EFR3A: variants seen among roughly 807,000 people sequenced by gnomAD.
EFR3A encodes the protein protein EFR3 homolog A.
EFR3A carries 76 observed loss-of-function variants against 104.4 expected under a neutral mutation model. The ratio of observed to expected loss-of-function variants is 0.73; its 90% CI spans 0.60 to 0.88. The LOEUF (loss-of-function observed/expected upper bound fraction) is 0.88, where lower values mean the gene tolerates loss of function less well. Among genes scored for constraint, EFR3A ranks in the 40% least tolerant of loss-of-function variants. EFR3A has a pLI of 0.00. For missense variants in EFR3A, 985 were observed against 1,012.5 expected (o/e 0.97, Z 0.37); for synonymous variants, 330 against 330.0 (o/e 1.00, Z 0.00).
intron 22 of EFR3A, among the ~76,000 whole-genome samples, chr8:132,004,502 C>T (rs1344722393): frequency 1.3e-5 from 2 of 152,196 alleles, no homozygotes; most frequent in African/African-American, 4.8e-5. Flanking sequence ...ATCCTGAAAT[C>T]ATCCCCCCAG....
chr8:131,909,866 G>C lies in EFR3A; in HGVS notation c.10+5544G>C, dbSNP rs114152638. On this transcript the variant is annotated intron_variant, in intron 1 of 22. Coordinates refer to ENST00000254624, the MANE Select transcript of EFR3A (RefSeq NM_015137.6). Reference sequence around the variant, plus strand: ...TTCTCTGGGGGACAAAATTGTCCCTGGTTGAGAACCACTGGCCTAAATATT... The same window carrying C: ...TTCTCTGGGGGACAAAATTGTCCCTCGTTGAGAACCACTGGCCTAAATATT... Among the ~76,000 whole-genome samples, 712 of 152,276 alleles carry C rather than the reference G, an allele frequency of 4.7e-3. 8 individuals are homozygous for C. Among genetic ancestry groups the C allele is most frequent in the African/African-American group, 0.017 (691 of 41,568 alleles).
intron 1 of EFR3A, among the ~76,000 whole-genome samples, chr8:131,927,011 T>A (rs1817333208): frequency 6.6e-6 from 1 of 152,174 alleles, no homozygotes; most frequent in Non-Finnish European, 1.5e-5. Flanking sequence ...TTCTTAGCAG[T>A]CATTTCTGGA....
chr8:131,998,373 A>G (rs1056954572), intron 19 of EFR3A, among the ~76,000 whole-genome samples: 4 of 152,048 alleles, frequency 2.6e-5, no homozygotes, highest in African/African-American at 7.2e-5. Flanking sequence ...ATAGTTTTAT[A>G]TGTATAATCC....
intron 22 of EFR3A, among the ~76,000 whole-genome samples, chr8:132,004,007 C>A (rs1207737575): frequency 6.6e-6 from 1 of 152,100 alleles, no homozygotes; most frequent in African/African-American, 2.4e-5. Flanking sequence ...TTAATTAAGT[C>A]TGTTTTTCTT....
intron 1 of EFR3A, among the ~76,000 whole-genome samples, chr8:131,936,486 C>G (rs565696144): frequency 6.6e-6 from 1 of 152,074 alleles, no homozygotes; most frequent in Admixed American, 6.6e-5. Flanking sequence ...CCTCCGCCCC[C>G]CTCCCCTCCA....
chr8:131,945,511 T>C (rs1179160985), intron 3 of EFR3A, among the ~76,000 whole-genome samples: 1 of 152,126 alleles, frequency 6.6e-6, no homozygotes, highest in East Asian at 1.9e-4. Flanking sequence ...CCAAGTGATA[T>C]ATTAGCTTTC....
rs141392542 is a variant in EFR3A, at chr8:131,978,198, TC to T, written c.1327-646del. On this transcript the variant is annotated intron_variant, in intron 12 of 22. Transcript: ENST00000254624. Reference sequence around the variant, plus strand: ...AAGCCTTTATTTATATTAAACAAATTCCCTAAGTAAATTATTTTGCCTTGCC... The same window carrying T: ...AAGCCTTTATTTATATTAAACAAATTCCTAAGTAAATTATTTTGCCTTGCC... 5.8e-3 allele frequency among the ~76,000 whole-genome samples: 885 copies of T among 152,316 alleles called. 9 individuals carry two copies. Among genetic ancestry groups the T allele is most frequent in the African/African-American group, 0.02 (843 of 41,574 alleles).
At chr8:131,992,495 T>C (rs907092378) in intron 18 of EFR3A, among the ~76,000 whole-genome samples, 2 of 152,232 alleles carry the variant, frequency 1.3e-5, no homozygotes, top group Non-Finnish European at 2.9e-5. Context: ...TGTATGGATA[T>C]ATAGGTCAGA....
At chr8:131,989,126 A>G (rs1352216322) in intron 18 of EFR3A, among the ~76,000 whole-genome samples, 3 of 152,184 alleles carry the variant, frequency 2.0e-5, no homozygotes, top group African/African-American at 4.8e-5. Context: ...TAGAAATCCT[A>G]CTAGATTTTT....
At chr8:131,908,364 G>A (rs1816354157) in intron 1 of EFR3A, among the ~76,000 whole-genome samples, 1 of 152,076 alleles carries the variant, frequency 6.6e-6, no homozygotes, top group South Asian at 2.1e-4. Flanking sequence ...CCGGCCATTT[G>A]AGGGGTTTTA....
At position 132,001,745 on chromosome 8, in the gene EFR3A, T is replaced by C. The variant is rs76741420; in HGVS notation, c.2158-14T>C. ...CCTTTTTAACTCTCGATTTCACTTA[T>C]CACTTTTCTCTAGGTTAGTAACACT... On this transcript the variant is annotated splice_polypyrimidine_tract_variant and intron_variant, in intron 19 of 22. Transcript: ENST00000254624. 3,079 of 1,611,032 alleles carry C rather than the reference T, an allele frequency of 1.9e-3. 43 individuals are homozygous for C. In the African/African-American group the frequency reaches 0.037, roughly 19 times the overall value.
At chr8:131,967,752 C>T (rs1326536694) in intron 8 of EFR3A, among the ~76,000 whole-genome samples, 2 of 151,932 alleles carry the variant, frequency 1.3e-5, no homozygotes, top group Non-Finnish European at 2.9e-5. Flanking sequence ...TTGTCAGGTA[C>T]ACATGGATAA....
intron 10 of EFR3A, 97 bp downstream of exon 10, chr8:131,970,740 T>C (rs1820007403): frequency 2.6e-6 from 3 of 1,175,200 alleles, no homozygotes; most frequent in Non-Finnish European, 3.5e-6. Context: ...TTGTCAAAGA[T>C]GAATGATAGC....
intron 10 of EFR3A, among the ~76,000 whole-genome samples, chr8:131,973,571 A>C (rs1312263228): frequency 6.6e-6 from 1 of 152,164 alleles, no homozygotes; most frequent in Non-Finnish European, 1.5e-5. Flanking sequence ...TTTCTCTTTT[A>C]AAATCAAACT....
rs1818827520 is a variant in EFR3A at position 131,953,796 on chromosome 8, TCC to T, written c.489-21_489-20del. 23 of 1,494,386 alleles carry T rather than the reference TCC, an allele frequency of 1.5e-5. No homozygotes were observed. The highest frequency in any genetic ancestry group is 2.1e-5 in the Non-Finnish European group (23 of 1,121,788). 92.6% of individuals were successfully genotyped at this position (1,494,386 alleles called of 1,614,324 possible). A position where few individuals can be genotyped will look rare whatever the true frequency, so the allele number is the denominator to read the frequency against. ...ATAATTTTTTTATGGCTCATTTTCTTCCTTTTTTTTTTTTTTTATAGGATACG... is the reference window on the plus strand; with the variant it reads ...ATAATTTTTTTATGGCTCATTTTCTTTTTTTTTTTTTTTTTATAGGATACG... On this transcript the variant is annotated intron_variant, in intron 5 of 22. Coordinates refer to ENST00000254624, the MANE Select transcript of EFR3A (RefSeq NM_015137.6).
intron 1 of EFR3A, among the ~76,000 whole-genome samples, chr8:131,935,836 A>G (rs948656248): frequency 4.6e-5 from 7 of 151,942 alleles, no homozygotes; most frequent in African/African-American, 1.7e-4. Flanking sequence ...TAGTCCCTTG[A>G]AAGTGGAAGT....
chr8:131,983,409 G>A (rs1409447662), intron 14 of EFR3A, among the ~76,000 whole-genome samples: 1 of 152,058 alleles, frequency 6.6e-6, no homozygotes, highest in African/African-American at 2.4e-5. Flanking sequence ...TTAGAGTTGA[G>A]AGCTAATTGA....
At chr8:131,933,331 C>A (rs1032948980) in intron 1 of EFR3A, among the ~76,000 whole-genome samples, 1 of 152,078 alleles carries the variant, frequency 6.6e-6, no homozygotes, top group African/African-American at 2.4e-5. Context: ...TAGGAATGAA[C>A]CATGCAGTGT....
chr8:131,986,316 G>A, intron 17 of EFR3A, 55 bp downstream of exon 17: 1 of 868,480 alleles, frequency 1.2e-6, no homozygotes, highest in Non-Finnish European at 1.8e-6. Context: ...AAACCCATCA[G>A]TAATAATTAT....
Sources: gnomAD v4.1 joint callset for allele counts (sites outside exome capture counted in the v4.1 genomes callset) on GRCh38, gnomAD v4.1.1 for gene constraint, MANE v1.5 for transcripts, NCBI Gene and HGNC (gene_info 2026-07-23, HGNC 2026-07-21) for gene names.